The following GAREM1 variants were observed in gnomAD, a reference collection of about 807,000 sequenced individuals.
GAREM1 encodes GRB2-associated and regulator of MAPK protein 1.
Under a neutral mutation model 71.3 loss-of-function variants are expected in GAREM1, and 26 were observed. The observed-to-expected ratio is 0.36, with a 90% CI of 0.27 to 0.51. The LOEUF (loss-of-function observed/expected upper bound fraction) is 0.51, where lower values mean the gene tolerates loss of function less well. GAREM1 is among the 20% of genes least tolerant of loss of function. GAREM1 has a pLI of 0.95. For synonymous variants in GAREM1, 440 were observed against 433.2 expected, an observed-to-expected ratio of 1.02 and a Z score of -0.20; for missense variants, 1,026 against 1,103.1, an observed-to-expected ratio of 0.93 and a Z score of 0.99.
rs568011044 is a variant in GAREM1, at chr18:32,314,593, G to GTTT, written c.263-4273_263-4271dup. On this transcript the variant is annotated intron_variant, in intron 2 of 5. Coordinates refer to ENST00000269209, the MANE Select transcript of GAREM1 (RefSeq NM_001242409.2). ...ATTTCTTGGGTCACTTTTTGTTGTT[G>GTTT]TTTTTTTTTTTTTGAGACGGAGTCT... 2.2e-3 allele frequency among the ~76,000 whole-genome samples: 312 copies of GTTT among 143,636 alleles called. 7 individuals carry two copies. Among genetic ancestry groups the GTTT allele is most frequent in the Admixed American group, 0.012 (178 of 14,380 alleles). 94.2% of individuals were successfully genotyped at this position (143,636 alleles called of 152,430 possible). A position where few individuals can be genotyped will look rare whatever the true frequency, so the allele number is the denominator to read the frequency against.
intron 3 of GAREM1, among the ~76,000 whole-genome samples, chr18:32,289,601 T>A (rs867418848): frequency 1.8e-4 from 28 of 152,198 alleles, no homozygotes; most frequent in Non-Finnish European, 1.2e-4. Context: ...ATTTTCAAAA[T>A]TTTCCTTTGT....
intron 1 of GAREM1, among the ~76,000 whole-genome samples, chr18:32,427,514 G>A (rs1248122412): frequency 6.6e-6 from 1 of 152,182 alleles, no homozygotes; most frequent in East Asian, 1.9e-4. Context: ...GTTTGAGGGA[G>A]CTGAGGTCTG....
intron 2 of GAREM1, among the ~76,000 whole-genome samples, chr18:32,372,315 T>C (rs895615264): frequency 6.6e-6 from 1 of 152,224 alleles, no homozygotes; most frequent in Non-Finnish European, 1.5e-5. Context: ...TAAAAGGAAG[T>C]GTAGTTTCTC....
intron 4 of GAREM1, among the ~76,000 whole-genome samples, chr18:32,286,825 C>T (rs1290891729): frequency 6.6e-6 from 1 of 152,172 alleles, no homozygotes; most frequent in African/African-American, 2.4e-5. Context: ...TAAAAACTCT[C>T]CAAGAGGTTC....
Position 32,266,928 on chromosome 18 carries a change from A to T in GAREM1, c.*943T>A, listed in dbSNP as rs868581765. On this transcript the variant is annotated 3_prime_UTR_variant, in exon 6 of 6. Transcript: ENST00000269209. The stretch of plus-strand genomic sequence containing the variant: ...CCCTGCGGTGAGTGGGCTTAAACTC[A>T]AACTTAATTCTTCAATACAGGATTC... 1 of 152,194 alleles carries T rather than the reference A, an allele frequency of 6.6e-6. No homozygotes were observed. The highest frequency in any genetic ancestry group is 2.4e-5 in the African/African-American group (1 of 41,440). The allele number at this position is 152,194 out of a possible 1,614,324, so 9.4% of individuals were successfully genotyped here.
intron 1 of GAREM1, among the ~76,000 whole-genome samples, chr18:32,457,222 AGAGAGTGT>A (rs1238970470): frequency 1.1e-4 from 9 of 84,236 alleles, no homozygotes; most frequent in African/African-American, 4.1e-4. Flanking sequence ...AGAGAGAGAG[AGAGAGTGT>A]GTGTGTGTGT....
chr18:32,427,348 T>C (rs2048585347), intron 1 of GAREM1, among the ~76,000 whole-genome samples: 1 of 152,194 alleles, frequency 6.6e-6, no homozygotes, highest in African/African-American at 2.4e-5. Context: ...CCCAAATTTA[T>C]AGATAAGAAA....
At chr18:32,282,922 T>C (rs995614188) in intron 4 of GAREM1, among the ~76,000 whole-genome samples, 1 of 152,226 alleles carries the variant, frequency 6.6e-6, no homozygotes, top group Non-Finnish European at 1.5e-5. Flanking sequence ...TATCAGCCAA[T>C]AACCAGAGAA....
intron 2 of GAREM1, among the ~76,000 whole-genome samples, chr18:32,379,451 T>C (rs1482434190): frequency 3.6e-5 from 3 of 83,634 alleles, no homozygotes; most frequent in African/African-American, 5.2e-5. Flanking sequence ...TCCCAGCACT[T>C]TGGGAGGCCG....
chr18:32,374,054 G>C (rs1294953992), intron 2 of GAREM1, among the ~76,000 whole-genome samples: 1 of 152,162 alleles, frequency 6.6e-6, no homozygotes. Context: ...ACTTGGTTGA[G>C]TTCTCGGATG....
chr18:32,342,938 C>T (rs2047661151), intron 2 of GAREM1, among the ~76,000 whole-genome samples: 1 of 152,166 alleles, frequency 6.6e-6, no homozygotes, highest in African/African-American at 2.4e-5. Flanking sequence ...TTGGCAGATA[C>T]TATCACCAGT....
At chr18:32,456,945 T>C (rs2048895768) in intron 1 of GAREM1, among the ~76,000 whole-genome samples, 1 of 152,002 alleles carries the variant, frequency 6.6e-6, no homozygotes, top group African/African-American at 2.4e-5. Context: ...TATAATCCCA[T>C]TTTTATGGAA....
chr18:32,315,215 A>G (rs1480719470), intron 2 of GAREM1, among the ~76,000 whole-genome samples: 1 of 151,994 alleles, frequency 6.6e-6, no homozygotes, highest in East Asian at 1.9e-4. Flanking sequence ...GCACCCTAAT[A>G]TATCAAACAT....
At chr18:32,290,141 G>A (rs1362858987) in intron 3 of GAREM1, 11 of 151,424 alleles carry the variant, frequency 7.3e-5, no homozygotes, top group Admixed American at 7.2e-4. Context: ...TATATACTAA[G>A]TTCATAAAAT....
At chr18:32,428,078 G>C (rs2048591480) in intron 1 of GAREM1, among the ~76,000 whole-genome samples, 1 of 152,176 alleles carries the variant, frequency 6.6e-6, no homozygotes, top group African/African-American at 2.4e-5. Flanking sequence ...AAAATGCAGT[G>C]ATCTTTAAGA....
intron 1 of GAREM1, among the ~76,000 whole-genome samples, chr18:32,417,918 GAT>G (rs1021169627): frequency 5.3e-5 from 8 of 151,984 alleles, no homozygotes; most frequent in Non-Finnish European, 1.0e-4. Context: ...CACTTGAGGA[GAT>G]ACCCAATTTT....
intron 2 of GAREM1, among the ~76,000 whole-genome samples, chr18:32,387,272 AT>A (rs1186528276): frequency 6.6e-6 from 1 of 152,140 alleles, no homozygotes; most frequent in Non-Finnish European, 1.5e-5. Flanking sequence ...AAAATTTAAT[AT>A]TTGCTTTTGT....
rs77539953 is a variant in GAREM1, at chr18:32,326,232, T to C, written c.263-15909A>G. Among the ~76,000 whole-genome samples the C allele has an allele frequency of 7.8e-3, 1,186 of 152,282 alleles. 11 individuals carry two copies. Among genetic ancestry groups the C allele is most frequent in the Non-Finnish European group, 0.011 (746 of 68,010 alleles). ...TTGGAGACTTCGGTTATGGGAAAGA[T>C]AGAGACTGGGAAATAACAAGTGTGA... On this transcript the variant is annotated intron_variant, in intron 2 of 5. Coordinates refer to ENST00000269209, the MANE Select transcript of GAREM1 (RefSeq NM_001242409.2).
chr18:32,356,255 T>C (rs929161273), intron 2 of GAREM1, among the ~76,000 whole-genome samples: 6 of 152,224 alleles, frequency 3.9e-5, no homozygotes, highest in Admixed American at 3.9e-4. Flanking sequence ...CCAGGAATAT[T>C]TGAATATGTC....
Sources: gnomAD v4.1 joint callset for allele counts (sites outside exome capture counted in the v4.1 genomes callset) on GRCh38, gnomAD v4.1.1 for gene constraint, MANE v1.5 for transcripts, NCBI Gene and HGNC (gene_info 2026-07-23, HGNC 2026-07-21) for gene names.